DCAF8L2: variants seen among roughly 807,000 people sequenced by gnomAD.
DCAF8L2 encodes DDB1- and CUL4-associated factor 8-like protein 2.
For missense variants in DCAF8L2, 430 were observed against 490.7 expected, an observed-to-expected ratio of 0.88 and a Z score of 1.17; for synonymous variants, 200 against 190.9, an observed-to-expected ratio of 1.05 and a Z score of -0.39.
chrX:27,562,141 A>G, the DCAF8L2 span, among the ~76,000 whole-genome samples: 1 of 112,111 alleles, frequency 8.9e-6, no homozygotes, highest in East Asian at 2.8e-4. Context: ...TTTGATTTGC[A>G]CTTCCCTAAT....
chrX:27,737,203 T>G (rs1432638379), intron 4 of DCAF8L2, among the ~76,000 whole-genome samples: 2 of 111,967 alleles, frequency 1.8e-5, no homozygotes, highest in East Asian at 5.6e-4. Context: ...CAATAACTTT[T>G]AAGAGTGTAA....
intron 1 of DCAF8L2, among the ~76,000 whole-genome samples, chrX:27,626,848 T>C (rs1044937245): frequency 2.7e-5 from 3 of 111,316 alleles, no homozygotes; most frequent in African/African-American, 9.8e-5. Flanking sequence ...TAAAATTAAG[T>C]CTATATCTTA....
the DCAF8L2 span, among the ~76,000 whole-genome samples, chrX:27,581,144 G>A: frequency 9.0e-6 from 1 of 111,723 alleles, no homozygotes; most frequent in Non-Finnish European, 1.9e-5. Context: ...TACGGCTTAT[G>A]GCAAACATAT....
At chrX:27,735,839 C>A (rs1921489185) in intron 4 of DCAF8L2, among the ~76,000 whole-genome samples, 2 of 111,178 alleles carry the variant, frequency 1.8e-5, no homozygotes, top group African/African-American at 6.5e-5. Flanking sequence ...AATCGGCACC[C>A]ACTAATAGAA....
At chrX:27,611,492 G>A (rs898047012) in intron 1 of DCAF8L2, among the ~76,000 whole-genome samples, 1 of 109,567 alleles carries the variant, frequency 9.1e-6, no homozygotes, top group Non-Finnish European at 1.9e-5. Flanking sequence ...TGTCCACAGC[G>A]TGCAAGTTTG....
chrX:27,561,662 T>C, the DCAF8L2 span, among the ~76,000 whole-genome samples: 1 of 110,847 alleles, frequency 9.0e-6, no homozygotes, highest in South Asian at 3.8e-4. Flanking sequence ...GGATATAAAA[T>C]AATACAATAT....
chrX:27,596,462 T>G (rs943129371), intron 1 of DCAF8L2, among the ~76,000 whole-genome samples: 1 of 112,070 alleles, frequency 8.9e-6, no homozygotes, highest in African/African-American at 3.2e-5. Flanking sequence ...GCAATTCTTG[T>G]TAAATTACTA....
chrX:27,554,404 G>A, the DCAF8L2 span, among the ~76,000 whole-genome samples: 1 of 112,036 alleles, frequency 8.9e-6, no homozygotes, highest in Non-Finnish European at 1.9e-5. Flanking sequence ...GCTACCCCAA[G>A]GTCATTTGTG....
intron 2 of DCAF8L2, among the ~76,000 whole-genome samples, chrX:27,659,870 A>G (rs1448668329): frequency 2.7e-5 from 3 of 111,233 alleles, no homozygotes; most frequent in Non-Finnish European, 3.8e-5. Context: ...GTTCTCTTGT[A>G]TCTCACTGAG....
chrX:27,519,191 A>C, the DCAF8L2 span: 5 of 1,114,767 alleles, frequency 4.5e-6, no homozygotes, highest in Non-Finnish European at 6.2e-6. Context: ...GAAAAGGAAG[A>C]GCTAATGGAA....
At chrX:27,611,969 C>G (rs1187484086) in intron 1 of DCAF8L2, among the ~76,000 whole-genome samples, 3 of 111,075 alleles carry the variant, frequency 2.7e-5, no homozygotes, top group Non-Finnish European at 5.7e-5. Flanking sequence ...GTAATGGGAT[C>G]CCTGGGTCAA....
intron 1 of DCAF8L2, among the ~76,000 whole-genome samples, chrX:27,607,412 C>G (rs376454306): frequency 9.9e-5 from 11 of 110,913 alleles, no homozygotes; most frequent in African/African-American, 3.6e-4. Context: ...TATAGGATAT[C>G]CAATTTCCTC....
chrX:27,548,941 A>G, the DCAF8L2 span, among the ~76,000 whole-genome samples: 1 of 111,615 alleles, frequency 9.0e-6, no homozygotes, highest in Non-Finnish European at 1.9e-5. Context: ...TAAATTTGGA[A>G]GGTCTTGAAA....
At chrX:27,524,757 A>T in the DCAF8L2 span, among the ~76,000 whole-genome samples, 1 of 110,299 alleles carries the variant, frequency 9.1e-6, no homozygotes, top group African/African-American at 3.3e-5. Flanking sequence ...TTCAGAGAAC[A>T]TCTTTATTTC....
chrX:27,744,548 G>A (rs1444863052), intron 4 of DCAF8L2, among the ~76,000 whole-genome samples: 2 of 111,026 alleles, frequency 1.8e-5, no homozygotes, highest in Non-Finnish European at 3.8e-5. Flanking sequence ...ATTAGTTGGT[G>A]GTCACTTTAT....
At chrX:27,583,213 A>G in the DCAF8L2 span, among the ~76,000 whole-genome samples, 1 of 111,678 alleles carries the variant, frequency 9.0e-6, no homozygotes, top group East Asian at 2.8e-4. Context: ...TGTGTGCACA[A>G]ATGGTTCTGT....
chrX:27,532,400 G>A, the DCAF8L2 span, among the ~76,000 whole-genome samples: 1 of 111,675 alleles, frequency 9.0e-6, no homozygotes, highest in Non-Finnish European at 1.9e-5. Context: ...AATTTGAGAA[G>A]CCAAATAAAT....
chrX:27,499,592 G>GA, the DCAF8L2 span, among the ~76,000 whole-genome samples: 2 of 111,577 alleles, frequency 1.8e-5, no homozygotes, highest in African/African-American at 6.5e-5. Context: ...CATGGTTTGG[G>GA]AGTCCTTAGG....
chrX:27,629,754 C>A (rs186439976), intron 1 of DCAF8L2, among the ~76,000 whole-genome samples: 6 of 111,199 alleles, frequency 5.4e-5, no homozygotes, highest in Non-Finnish European at 3.8e-5. Flanking sequence ...TATTATGCTT[C>A]CTGCTTTGTT....
Sources: allele counts gnomAD v4.1 joint callset (sites outside exome capture counted in the v4.1 genomes callset), GRCh38; gene constraint gnomAD v4.1.1; transcripts MANE v1.5; gene names NCBI Gene and HGNC (gene_info 2026-07-23, HGNC 2026-07-21).